NFIA: variants seen among roughly 807,000 people sequenced by gnomAD.
NFIA encodes the protein nuclear factor I A, also known as nuclear factor 1 A-type.
Under a neutral mutation model 62.8 loss-of-function variants are expected in NFIA, and 8 were observed. That is an observed-to-expected ratio of 0.13 (90% CI 0.07 to 0.23). The LOEUF is 0.23. NFIA is among the 10% of genes least tolerant of loss of function. The pLI, the probability that NFIA is intolerant of heterozygous loss-of-function variation, is 1.00. For missense variants in NFIA, 410 were observed against 642.1 expected (o/e 0.64, Z 3.91); for synonymous variants, 235 against 238.1 (o/e 0.99, Z 0.12).
At chr1:61,099,337 A>G (rs141703068) in intron 2 of NFIA, among the ~76,000 whole-genome samples, 1,772 of 152,296 alleles carry the variant, frequency 0.012, 20 homozygotes, top group Middle Eastern at 0.065. Flanking sequence ...AGAGGAACAT[A>G]GATTCATATT....
chr1:61,099,548 T>G (rs78217318), intron 2 of NFIA, among the ~76,000 whole-genome samples: 9,208 of 152,246 alleles, frequency 0.06, 393 homozygotes, highest in African/African-American at 0.11. Context: ...GTTTCTTTGG[T>G]TTTGCATTTT....
In NFIA at chr1:61,447,520, C is replaced by T. The variant is rs148364498; in HGVS notation, c.1513-7783C>T. Among the ~76,000 whole-genome samples the T allele has an allele frequency of 4.2e-3, 644 of 152,190 alleles. 3 individuals are homozygous for T. Among genetic ancestry groups the T allele is most frequent in the African/African-American group, 0.014 (591 of 41,526 alleles). ...GAAACCCCGTCGCCACTGCATTTTCCGCAGCAGAGCCATCCACTGCACTGT... is the reference window on the plus strand; with the variant it reads ...GAAACCCCGTCGCCACTGCATTTTCTGCAGCAGAGCCATCCACTGCACTGT... On this transcript the variant is annotated intron_variant, in intron 10 of 10. Transcript: ENST00000403491.
chr1:61,259,335 T>C (rs192363957), intron 2 of NFIA, among the ~76,000 whole-genome samples: 2 of 152,342 alleles, frequency 1.3e-5, no homozygotes, highest in East Asian at 3.9e-4. Flanking sequence ...CTACTCTTCC[T>C]TTAAAATCTT....
At chr1:61,363,172 T>C (rs6587921) in intron 6 of NFIA, among the ~76,000 whole-genome samples, 125,988 of 152,276 alleles carry the variant, frequency 0.83, 52,229 homozygotes, top group East Asian at 0.95. Context: ...AGATAGTAAA[T>C]CTGTGGATCC....
chr1:61,424,794 C>G (rs1666793173), intron 9 of NFIA, among the ~76,000 whole-genome samples: 1 of 152,056 alleles, frequency 6.6e-6, no homozygotes, highest in South Asian at 2.1e-4. Context: ...CAAAGTAAAG[C>G]CATGGGGTGA....
chr1:61,186,649 G>T (rs1271022738), intron 2 of NFIA, among the ~76,000 whole-genome samples: 1 of 152,194 alleles, frequency 6.6e-6, no homozygotes, highest in African/African-American at 2.4e-5. Context: ...CTTATAGGAA[G>T]TAGCATTTGA....
At chr1:61,411,706 A>G (rs2103883) in intron 9 of NFIA, among the ~76,000 whole-genome samples, 65,668 of 151,346 alleles carry the variant, frequency 0.43, 14,707 homozygotes, top group South Asian at 0.6. Flanking sequence ...TAAGTGCTAC[A>G]TAGGGAAATC....
At chr1:61,254,746 C>A (rs571283832) in intron 2 of NFIA, among the ~76,000 whole-genome samples, 1 of 152,304 alleles carries the variant, frequency 6.6e-6, no homozygotes, top group South Asian at 2.1e-4. Context: ...CCCACTGTCT[C>A]CCAAACGGCA....
At chr1:61,102,422 C>T (rs1338836808) in intron 2 of NFIA, among the ~76,000 whole-genome samples, 4 of 152,272 alleles carry the variant, frequency 2.6e-5, no homozygotes, top group Middle Eastern at 3.4e-3. Context: ...AGTCTTATTT[C>T]CAAATAATGA....
intron 2 of NFIA, among the ~76,000 whole-genome samples, chr1:61,156,637 C>A (rs1469494892): frequency 6.6e-6 from 1 of 152,178 alleles, no homozygotes; most frequent in African/African-American, 2.4e-5. Context: ...ACCGAAAATA[C>A]ATAGTTCTGT....
chr1:61,323,908 G>A (rs868111302), intron 3 of NFIA, among the ~76,000 whole-genome samples: 2 of 152,030 alleles, frequency 1.3e-5, no homozygotes, highest in Non-Finnish European at 2.9e-5. Context: ...TCCCCTCCCC[G>A]GTTTGTTGTA....
intron 2 of NFIA, among the ~76,000 whole-genome samples, chr1:61,200,669 G>A (rs1184409554): frequency 6.6e-6 from 1 of 152,116 alleles, no homozygotes; most frequent in Non-Finnish European, 1.5e-5. Flanking sequence ...TTCCACAAGT[G>A]CTCTAGAGTT....
intron 2 of NFIA, among the ~76,000 whole-genome samples, chr1:61,138,686 T>G (rs1465843241): frequency 7.3e-5 from 11 of 151,580 alleles, no homozygotes; most frequent in Admixed American, 7.2e-4. Flanking sequence ...GTTCCAGAAA[T>G]CTCCCTCCTC....
At chr1:61,335,738 A>G (rs1234779668) in intron 4 of NFIA, among the ~76,000 whole-genome samples, 2 of 152,042 alleles carry the variant, frequency 1.3e-5, no homozygotes, top group Admixed American at 1.3e-4. Context: ...CCTACTCGGG[A>G]GGCTGAGGCA....
At chr1:61,440,076 C>T (rs1295213160) in intron 10 of NFIA, among the ~76,000 whole-genome samples, 1 of 152,108 alleles carries the variant, frequency 6.6e-6, no homozygotes. Flanking sequence ...ATAAAGATTC[C>T]TGCCAACTGG....
intron 2 of NFIA, among the ~76,000 whole-genome samples, chr1:61,134,981 G>A (rs946442972): frequency 6.6e-6 from 1 of 152,210 alleles, no homozygotes; most frequent in Non-Finnish European, 1.5e-5. Context: ...AAAAGATGGC[G>A]TCATTAGGAC....
intron 2 of NFIA, among the ~76,000 whole-genome samples, chr1:61,264,194 G>A (rs1244340160): frequency 6.6e-6 from 1 of 152,098 alleles, no homozygotes; most frequent in Non-Finnish European, 1.5e-5. Context: ...GATCCATGCT[G>A]ATTTTTGAAA....
chr1:61,173,970 C>T (rs1287909549), intron 2 of NFIA, among the ~76,000 whole-genome samples: 1 of 152,096 alleles, frequency 6.6e-6, no homozygotes, highest in Non-Finnish European at 1.5e-5. Flanking sequence ...AAATATTATT[C>T]TGTGTTAGGG....
At chr1:61,121,605 G>T (rs1646888274) in intron 2 of NFIA, among the ~76,000 whole-genome samples, 1 of 152,082 alleles carries the variant, frequency 6.6e-6, no homozygotes, top group South Asian at 2.1e-4. Flanking sequence ...TTCTTTATGG[G>T]ACACAGGATT....
Sources: allele counts gnomAD v4.1 joint callset (sites outside exome capture counted in the v4.1 genomes callset), GRCh38; gene constraint gnomAD v4.1.1; transcripts MANE v1.5; gene names NCBI Gene and HGNC (gene_info 2026-07-23, HGNC 2026-07-21).